The following TBXAS1 variants were observed in gnomAD, a reference collection of about 807,000 sequenced individuals.
TBXAS1 encodes the protein thromboxane-A synthase.
Under a neutral mutation model 60.7 loss-of-function variants are expected in TBXAS1, and 48 were observed. The observed-to-expected ratio is 0.79, with a 90% CI of 0.63 to 1.01. The LOEUF is 1.01. Among genes scored for constraint, TBXAS1 ranks in the 50% least tolerant of loss-of-function variants. TBXAS1 has a pLI of 0.00. For missense variants in TBXAS1, 685 were observed against 686.3 expected (o/e 1.00, Z 0.02); for synonymous variants, 287 against 269.7 (o/e 1.06, Z -0.63).
intron 4 of TBXAS1, among the ~76,000 whole-genome samples, chr7:139,918,991 T>A (rs1199170586): frequency 6.6e-6 from 1 of 152,186 alleles, no homozygotes; most frequent in Admixed American, 6.5e-5. Context: ...TTAATTTTTT[T>A]ATACTCTATT....
rs576392881 is a variant in TBXAS1 at position 139,924,055 on chromosome 7, CTT to C, written c.334-12135_334-12134del. ...TTATGCAGTTGTCTGTTAATGGACA[CTT>C]AGGTGCTTCCAAATTTGGCTCTTGT... On this transcript the variant is annotated intron_variant, in intron 4 of 12. Coordinates refer to ENST00000448866, the MANE Select transcript of TBXAS1 (RefSeq NM_001061.7). Among the ~76,000 whole-genome samples the C allele has an allele frequency of 2.7e-3, 414 of 152,270 alleles. 4 individuals carry two copies. The highest frequency in any genetic ancestry group is 7.3e-4 in the Non-Finnish European group (50 of 68,028).
chr7:139,842,310 T>C (rs967269252), intron 1 of TBXAS1, among the ~76,000 whole-genome samples: 1 of 152,184 alleles, frequency 6.6e-6, no homozygotes, highest in African/African-American at 2.4e-5. Flanking sequence ...TTGATGTGTG[T>C]CCATTACTGA....
intron 4 of TBXAS1, among the ~76,000 whole-genome samples, chr7:139,928,841 T>A (rs1460293522): frequency 2.0e-5 from 3 of 152,228 alleles, no homozygotes; most frequent in African/African-American, 2.4e-5. Flanking sequence ...ATCACTTTTT[T>A]AAAAAATCTT....
intron 5 of TBXAS1, among the ~76,000 whole-genome samples, chr7:139,950,379 A>C (rs948007302): frequency 5.9e-5 from 9 of 152,028 alleles, no homozygotes; most frequent in African/African-American, 2.2e-4. Context: ...TTGCTCCCCC[A>C]CAGTGTTCAA....
chr7:139,861,971 A>G (rs1031540543), intron 1 of TBXAS1, among the ~76,000 whole-genome samples: 1 of 152,196 alleles, frequency 6.6e-6, no homozygotes, highest in African/African-American at 2.4e-5. Flanking sequence ...ACTGGGAGGG[A>G]CAGTCATGTC....
At chr7:139,821,906 C>T (rs564545420) in intron 4 of TBXAS1, among the ~76,000 whole-genome samples, 2 of 152,352 alleles carry the variant, frequency 1.3e-5, no homozygotes, top group South Asian at 2.1e-4. Flanking sequence ...TTCTGTGGCA[C>T]GAATGCTGTA....
rs545287397 is a variant in TBXAS1, at chr7:139,975,082, G to A, written c.1134+12849G>A. Among the ~76,000 whole-genome samples, 14 of 152,338 alleles carry A rather than the reference G, an allele frequency of 9.2e-5. No individual in the cohort carries two copies. Among genetic ancestry groups the A allele is most frequent in the Admixed American group, 5.9e-4 (9 of 15,308 alleles). On this transcript the variant is annotated intron_variant, in intron 9 of 12. Coordinates refer to ENST00000448866, the MANE Select transcript of TBXAS1 (RefSeq NM_001061.7). The surrounding 1 kb of genome is among the most constrained non-coding windows in gnomAD (Gnocchi z 4.4). ...AGGCAGGAGTCAATGCAACAGTCTA[G>A]ACACAGAATTCTTTCTTCGCCAGAA... is the stretch of plus-strand genomic sequence containing the variant.
At chr7:139,967,126 C>T (rs897112033) in intron 9 of TBXAS1, among the ~76,000 whole-genome samples, 1 of 152,256 alleles carries the variant, frequency 6.6e-6, no homozygotes. Flanking sequence ...GAGCAGGATA[C>T]CAGCTAGATG....
chr7:139,858,621 C>T (rs989328402), intron 1 of TBXAS1, among the ~76,000 whole-genome samples: 2 of 152,162 alleles, frequency 1.3e-5, no homozygotes, highest in Admixed American at 1.3e-4. Flanking sequence ...ATCCTGGTAC[C>T]CGGAACTCAG....
At chr7:139,936,900 C>T (rs1427561076) in intron 5 of TBXAS1, among the ~76,000 whole-genome samples, 1 of 152,080 alleles carries the variant, frequency 6.6e-6, no homozygotes, top group Admixed American at 6.5e-5. Context: ...CCAGGTTAAC[C>T]TCTAGGCCAA....
intron 4 of TBXAS1, among the ~76,000 whole-genome samples, chr7:139,816,319 T>C: frequency 6.6e-6 from 1 of 152,170 alleles, no homozygotes; most frequent in East Asian, 1.9e-4. Flanking sequence ...TCAGGGTCTC[T>C]CCTGGGGGAC....
rs940367196 is a variant in TBXAS1 at position 139,975,866 on chromosome 7, T to A, written c.1134+13633T>A. Among the ~76,000 whole-genome samples, 1 of 152,154 alleles carries A rather than the reference T, an allele frequency of 6.6e-6. No individual in the cohort carries two copies. The highest frequency in any genetic ancestry group is 2.4e-5 in the African/African-American group (1 of 41,422). On this transcript the variant is annotated intron_variant, in intron 9 of 12. Transcript: ENST00000448866. This position sits in a 1 kb window ranked among gnomAD's most constrained non-coding sequence, Gnocchi z 4.4. ...CAGCTTCTCCCCTGACATCCCTACC[T>A]CCCTGACGCTTAACCCACATAGGGA...
chr7:139,779,711 G>A (rs1403289361), intron 1 of TBXAS1, among the ~76,000 whole-genome samples: 2 of 152,110 alleles, frequency 1.3e-5, no homozygotes, highest in East Asian at 1.9e-4. Flanking sequence ...GCCATGCCAC[G>A]CTCCTGGCTA....
chr7:139,904,026 C>G (rs1315523160), intron 3 of TBXAS1, among the ~76,000 whole-genome samples: 1 of 152,062 alleles, frequency 6.6e-6, no homozygotes, highest in Non-Finnish European at 1.5e-5. Context: ...AAATCCTTGT[C>G]TAAACCAATG....
At chr7:139,955,671 C>A (rs1329321553) in intron 7 of TBXAS1, 64 bp downstream of exon 7, 17 of 1,606,474 alleles carry the variant, frequency 1.1e-5, no homozygotes, top group East Asian at 2.2e-5. Context: ...CCCCATGACA[C>A]CTGGGGTGGC....
chr7:139,904,997 C>CTCCTTCTT (rs1554487079), intron 3 of TBXAS1, among the ~76,000 whole-genome samples: 54 of 93,176 alleles, frequency 5.8e-4, no homozygotes, highest in East Asian at 1.3e-3. Context: ...CTCTCTTTCT[C>CTCCTTCTT]TCTTTCTCTC....
At chr7:139,893,188 C>T (rs1467470827) in intron 3 of TBXAS1, among the ~76,000 whole-genome samples, 2 of 152,140 alleles carry the variant, frequency 1.3e-5, no homozygotes, top group Non-Finnish European at 2.9e-5. Flanking sequence ...CTCCCCTGGC[C>T]TCACTGTCTT....
chr7:139,865,716 G>GGAGGAGGAGGAGGAA (rs1319903944), intron 1 of TBXAS1, among the ~76,000 whole-genome samples: 1 of 132,474 alleles, frequency 7.5e-6, no homozygotes, highest in Non-Finnish European at 1.6e-5. Context: ...AGGAGGAAGA[G>GGAGGAGGAGGAGGAA]GAGGAGGAGG....
intron 1 of TBXAS1, among the ~76,000 whole-genome samples, chr7:139,830,871 G>T (rs963208317): frequency 1.3e-5 from 2 of 151,808 alleles, no homozygotes; most frequent in Admixed American, 6.6e-5. Context: ...TTCTCAAAGC[G>T]GACACTTTTT....
Sources: gnomAD v4.1 joint callset for allele counts (sites outside exome capture counted in the v4.1 genomes callset) on GRCh38, gnomAD v4.1.1 for gene constraint, Gnocchi (gnomAD v3.1) non-coding constraint, MANE v1.5 for transcripts, NCBI Gene and HGNC (gene_info 2026-07-23, HGNC 2026-07-21) for gene names.